Variants in TBL1XR1 observed in about 807,000 individuals in gnomAD.
TBL1XR1 encodes F-box-like/WD repeat-containing protein TBL1XR1.
In TBL1XR1, 5 loss-of-function variants were observed where a neutral mutation model predicts 66.9. The observed-to-expected ratio is 0.07, with a 90% CI of 0.04 to 0.16. The LOEUF (loss-of-function observed/expected upper bound fraction) is 0.16. Ranked by LOEUF, TBL1XR1 falls within the 10% of genes least tolerant of loss-of-function variation. The pLI is 1.00. For missense variants in TBL1XR1, 238 were observed against 623.2 expected (o/e 0.38, Z 6.58); for synonymous variants, 210 against 206.0 (o/e 1.02, Z -0.17).
upstream of TBL1XR1, among the ~76,000 whole-genome samples, chr3:177,201,401 T>A (rs1216369273): frequency 5.0e-5 from 6 of 121,146 alleles, no homozygotes; most frequent in East Asian, 1.3e-3. Flanking sequence ...GGTGACAGAG[T>A]GAGATTACAT....
chr3:177,156,852 CACA>C (rs1291406287), intron 1 of TBL1XR1, among the ~76,000 whole-genome samples: 2 of 152,084 alleles, frequency 1.3e-5, no homozygotes, highest in African/African-American at 4.8e-5. Context: ...GCTACATCCG[CACA>C]ACAAAATGAC....
intron 1 of TBL1XR1, among the ~76,000 whole-genome samples, chr3:177,125,108 A>T (rs1727451966): frequency 1.3e-5 from 2 of 152,188 alleles, no homozygotes; most frequent in Non-Finnish European, 2.9e-5. Context: ...TCATTTCAAA[A>T]GACAACATCA....
chr3:177,041,667 C>A (rs1715605741), intron 10 of TBL1XR1, among the ~76,000 whole-genome samples: 1 of 152,168 alleles, frequency 6.6e-6, no homozygotes, highest in Non-Finnish European at 1.5e-5. Flanking sequence ...CTGTCCTGTT[C>A]ATTTGGCAGT....
At chr3:177,052,376 G>T (rs959504046) in intron 4 of TBL1XR1, among the ~76,000 whole-genome samples, 2 of 152,182 alleles carry the variant, frequency 1.3e-5, no homozygotes, top group African/African-American at 2.4e-5. Context: ...CATATGTGAA[G>T]TCTGGTTCAC....
At chr3:177,089,622 G>C (rs547862589) in intron 2 of TBL1XR1, among the ~76,000 whole-genome samples, 12 of 152,256 alleles carry the variant, frequency 7.9e-5, no homozygotes, top group African/African-American at 2.2e-4. Context: ...GGTTCCTCAA[G>C]AATCAAACCT....
chr3:177,162,179 C>T (rs1382730893), intron 1 of TBL1XR1, among the ~76,000 whole-genome samples: 1 of 152,220 alleles, frequency 6.6e-6, no homozygotes, highest in Non-Finnish European at 1.5e-5. Context: ...GAAAACGCCA[C>T]ATATCTGTCC....
upstream of TBL1XR1, among the ~76,000 whole-genome samples, chr3:177,201,561 A>G (rs1737341243): frequency 6.6e-6 from 1 of 152,192 alleles, no homozygotes; most frequent in Non-Finnish European, 1.5e-5. Flanking sequence ...AACTGCTTCA[A>G]TCCCAGGACT....
chr3:177,112,107 A>ATATATATATATATATATATATATT, intron 1 of TBL1XR1, among the ~76,000 whole-genome samples: 1 of 37,652 alleles, frequency 2.7e-5, no homozygotes, highest in Non-Finnish European at 4.5e-5. Context: ...ATATATATAT[A>ATATATATATATATATATATATATT]TTTTTTTTTT....
At chr3:177,201,231 T>C (rs199806766), upstream of TBL1XR1, among the ~76,000 whole-genome samples, 39 of 151,710 alleles carry the variant, frequency 2.6e-4, no homozygotes, top group East Asian at 6.4e-3. Flanking sequence ...ACCAACATGG[T>C]GAAACCCCGT....
intron 1 of TBL1XR1, among the ~76,000 whole-genome samples, chr3:177,117,933 C>G (rs1156349515): frequency 6.6e-6 from 1 of 152,152 alleles, no homozygotes; most frequent in Non-Finnish European, 1.5e-5. Context: ...TATTTTTATA[C>G]TATGCAAGGT....
chr3:177,071,192 G>A (rs1182969519), intron 2 of TBL1XR1, among the ~76,000 whole-genome samples: 2 of 151,736 alleles, frequency 1.3e-5, no homozygotes, highest in Non-Finnish European at 2.9e-5. Flanking sequence ...CACCGTGCCC[G>A]GCTAATTTTT....
intron 14 of TBL1XR1, among the ~76,000 whole-genome samples, chr3:177,028,434 T>TC (rs1202028237): frequency 1.3e-5 from 2 of 152,294 alleles, no homozygotes; most frequent in East Asian, 3.9e-4. Context: ...ATTGATTTTG[T>TC]CACAATGGAC....
At chr3:177,145,840 T>TA (rs1405323524) in intron 1 of TBL1XR1, among the ~76,000 whole-genome samples, 1 of 152,218 alleles carries the variant, frequency 6.6e-6, no homozygotes, top group Admixed American at 6.5e-5. Context: ...AGGGCAGTCT[T>TA]AGTTTTCCAA....
chr3:177,115,796 C>A (rs1165963148), intron 1 of TBL1XR1, among the ~76,000 whole-genome samples: 1 of 152,148 alleles, frequency 6.6e-6, no homozygotes, highest in Admixed American at 6.5e-5. Context: ...ATTCATTTAA[C>A]AACTCTTCAG....
At chr3:177,149,133 G>A (rs1380342917) in intron 1 of TBL1XR1, among the ~76,000 whole-genome samples, 1 of 152,164 alleles carries the variant, frequency 6.6e-6, no homozygotes, top group African/African-American at 2.4e-5. Context: ...TTTTGATGAT[G>A]GCAACAGCCA....
intron 1 of TBL1XR1, among the ~76,000 whole-genome samples, chr3:177,105,672 C>T (rs1310804511): frequency 6.6e-6 from 1 of 152,154 alleles, no homozygotes; most frequent in African/African-American, 2.4e-5. Flanking sequence ...TACAGAAATG[C>T]CCCAGATTAG....
Position 177,019,877 on chromosome 3 carries a change from T to G in TBL1XR1, c.*5621A>C, listed in dbSNP as rs1712128906. On this transcript the variant is annotated 3_prime_UTR_variant, in exon 16 of 16. Transcript: ENST00000457928. ...CTTGAAAATGAAAGCATGTCAGTTC[T>G]AGCAACTGCAGTGGCTTATTTCTAA... 1 of 152,034 alleles carries G rather than the reference T, an allele frequency of 6.6e-6. No individual in the cohort carries two copies. The highest frequency in any genetic ancestry group is 6.6e-5 in the Admixed American group (1 of 15,258). 9.4% of individuals were successfully genotyped at this position (152,034 alleles called of 1,614,324 possible).
chr3:177,169,558 G>C (rs568189523), intron 1 of TBL1XR1, among the ~76,000 whole-genome samples: 2 of 152,292 alleles, frequency 1.3e-5, no homozygotes, highest in East Asian at 3.9e-4. Context: ...TGTATATTCA[G>C]GCAATGCTAC....
chr3:177,160,172 C>T lies in TBL1XR1; in HGVS notation c.-122+36949G>A, dbSNP rs74491629. 6.4e-3 allele frequency among the ~76,000 whole-genome samples: 969 copies of T among 152,006 alleles called. 12 individuals carry two copies. The highest frequency in any genetic ancestry group is 0.022 in the African/African-American group (910 of 41,464). On this transcript the variant is annotated intron_variant, in intron 1 of 15. Transcript: ENST00000457928. ...GGCCTTGTTTAGCTGCTTTGCAAAC[C>T]ATGTAAGTAGAAGTATCTGGTAGGG...
Sources: gnomAD v4.1 joint callset for allele counts (sites outside exome capture counted in the v4.1 genomes callset) on GRCh38, gnomAD v4.1.1 for gene constraint, MANE v1.5 for transcripts, NCBI Gene and HGNC (gene_info 2026-07-23, HGNC 2026-07-21) for gene names.